ADAMTS18: variants seen among roughly 807,000 people sequenced by gnomAD.
ADAMTS18 encodes A disintegrin and metalloproteinase with thrombospondin motifs 18.
ADAMTS18 carries 157 observed loss-of-function variants against 165.9 expected under a neutral mutation model. The observed-to-expected ratio is 0.95, with a 90% CI of 0.83 to 1.08. The LOEUF (loss-of-function observed/expected upper bound fraction) is 1.08, where lower values mean the gene tolerates loss of function less well. Ranked by LOEUF, ADAMTS18 falls within the 50% of genes least tolerant of loss-of-function variation. The probability of loss-of-function intolerance (pLI) is 0.00; values close to 1 mark genes in which losing one functional copy is unlikely to be tolerated. For synonymous variants in ADAMTS18, 782 were observed against 578.2 expected, an observed-to-expected ratio of 1.35 and a Z score of -5.06; for missense variants, 2,040 against 1,534.0, an observed-to-expected ratio of 1.33 and a Z score of -5.51.
chr16:77,313,967 A>G (rs2055832983), intron 16 of ADAMTS18, among the ~76,000 whole-genome samples: 1 of 152,218 alleles, frequency 6.6e-6, no homozygotes, highest in Non-Finnish European at 1.5e-5. Flanking sequence ...TTAAAGTATA[A>G]TATCAGGGGC....
intron 16 of ADAMTS18, among the ~76,000 whole-genome samples, chr16:77,307,746 T>C (rs139859242): frequency 2.1e-3 from 325 of 152,314 alleles, no homozygotes; most frequent in Non-Finnish European, 3.4e-3. Context: ...CTTCACTCAG[T>C]CCATGCTACT....
chr16:77,300,155 C>G, intron 17 of ADAMTS18, 108 bp downstream of exon 17: 1 of 1,324,316 alleles, frequency 7.6e-7, no homozygotes, highest in Non-Finnish European at 1.1e-6. Context: ...TCATAAAAGA[C>G]AGTTCTTGGG....
At chr16:77,361,221 T>C (rs188165460) in intron 7 of ADAMTS18, among the ~76,000 whole-genome samples, 1 of 152,358 alleles carries the variant, frequency 6.6e-6, no homozygotes, top group African/African-American at 2.4e-5. Flanking sequence ...CTGCATAGCT[T>C]AACATATTGA....
intron 3 of ADAMTS18, among the ~76,000 whole-genome samples, chr16:77,421,104 G>T (rs2057596599): frequency 6.6e-6 from 1 of 152,150 alleles, no homozygotes; most frequent in East Asian, 1.9e-4. Flanking sequence ...TAGAAAGCAT[G>T]CCCCCTTGAC....
intron 11 of ADAMTS18, 44 bp from the exon 12 acceptor site, chr16:77,335,948 G>A (rs759588456): frequency 6.2e-7 from 1 of 1,613,434 alleles, no homozygotes; most frequent in Middle Eastern, 1.7e-4. Flanking sequence ...GAGACCACCT[G>A]GGAAAGCGCA....
At chr16:77,322,219 C>T (rs1405707330) in intron 14 of ADAMTS18, 117 bp downstream of exon 14, 12 of 1,279,644 alleles carry the variant, frequency 9.4e-6, no homozygotes, top group Middle Eastern at 4.1e-4. Flanking sequence ...TGCTCTTTCG[C>T]TCCATGCCAC....
intron 7 of ADAMTS18, among the ~76,000 whole-genome samples, chr16:77,360,531 T>G (rs182209779): frequency 2.6e-4 from 39 of 152,358 alleles, no homozygotes; most frequent in Admixed American, 3.9e-4. Flanking sequence ...TAGTACATTT[T>G]GGTCTCTGGA....
chr16:77,402,436 T>C (rs1338164601), intron 3 of ADAMTS18, among the ~76,000 whole-genome samples: 6 of 152,140 alleles, frequency 3.9e-5, no homozygotes, highest in South Asian at 2.1e-4. Flanking sequence ...GGTTCTAACA[T>C]AGAGAGGGCT....
chr16:77,335,025 T>C (rs1402395190), intron 12 of ADAMTS18, among the ~76,000 whole-genome samples: 2 of 144,836 alleles, frequency 1.4e-5, no homozygotes, highest in East Asian at 4.0e-4. Context: ...GTAGTATATA[T>C]ACTATATATT....
At position 77,283,935 on chromosome 16, in the gene ADAMTS18, G is replaced by A; in HGVS notation, c.*21C>T. The A allele has an allele frequency of 1.9e-6, 3 of 1,588,888 alleles. No homozygotes were observed. Among genetic ancestry groups the A allele is most frequent in the Non-Finnish European group, 1.7e-6 (2 of 1,157,444 alleles). On this transcript the variant is annotated 3_prime_UTR_variant, in exon 23 of 23. Coordinates refer to ENST00000282849, the MANE Select transcript of ADAMTS18 (RefSeq NM_199355.4). ...TGAAAGGTAAGCCCCTGGCCCTAAGGTGCTGGGGAGGACACCAAGATCAGA... is the reference window on the plus strand; with the variant it reads ...TGAAAGGTAAGCCCCTGGCCCTAAGATGCTGGGGAGGACACCAAGATCAGA...
At chr16:77,388,401 G>A (rs979846156) in intron 3 of ADAMTS18, among the ~76,000 whole-genome samples, 4 of 152,094 alleles carry the variant, frequency 2.6e-5, no homozygotes, top group African/African-American at 9.7e-5. Flanking sequence ...TGCCTGGCCA[G>A]AAAGCTCTTC....
chr16:77,343,074 C>CTT (rs59318924), intron 10 of ADAMTS18, among the ~76,000 whole-genome samples: 14,241 of 142,362 alleles, frequency 0.1, 954 homozygotes, highest in East Asian at 0.3. Context: ...ACCTTACTTT[C>CTT]TTTTTTTTTT....
At chr16:77,379,869 T>C (rs1421213737) in intron 3 of ADAMTS18, among the ~76,000 whole-genome samples, 1 of 152,202 alleles carries the variant, frequency 6.6e-6, no homozygotes, top group East Asian at 1.9e-4. Flanking sequence ...ACTTCACAGA[T>C]GTTCACTGAG....
At chr16:77,371,991 A>G (rs2056882652) in intron 3 of ADAMTS18, among the ~76,000 whole-genome samples, 2 of 152,336 alleles carry the variant, frequency 1.3e-5, no homozygotes, top group South Asian at 2.1e-4. Flanking sequence ...CTCAAAAGAC[A>G]TATACATGGC....
intron 19 of ADAMTS18, among the ~76,000 whole-genome samples, chr16:77,294,302 C>A (rs903941592): frequency 6.6e-6 from 1 of 152,086 alleles, no homozygotes; most frequent in African/African-American, 2.4e-5. Flanking sequence ...CTGTGTAGGA[C>A]ATTCACCTCT....
chr16:77,346,384 T>C lies in ADAMTS18; in HGVS notation c.1615-4585A>G, dbSNP rs74251612. Among the ~76,000 whole-genome samples the C allele has an allele frequency of 4.7e-4, 72 of 152,210 alleles. 1 individual carries two copies. In the East Asian group the frequency reaches 0.012, roughly 25 times the overall value. On this transcript the variant is annotated intron_variant, in intron 10 of 22. Coordinates refer to ENST00000282849, the MANE Select transcript of ADAMTS18 (RefSeq NM_199355.4). ...CAAAGTAGGCTTCAGTAAATCAATA[T>C]ATGAATAAAAATGACAGACTTTGTA... is the stretch of plus-strand genomic sequence containing the variant.
intron 21 of ADAMTS18, among the ~76,000 whole-genome samples, chr16:77,289,665 A>G (rs1465745686): frequency 6.6e-6 from 1 of 152,190 alleles, no homozygotes; most frequent in South Asian, 2.1e-4. Context: ...TAAGTGACTC[A>G]CTCATAAAGA....
At chr16:77,289,172 T>C in intron 22 of ADAMTS18, 92 bp downstream of exon 22, 1 of 1,515,896 alleles carries the variant, frequency 6.6e-7, no homozygotes. Context: ...CCTAGAGTTG[T>C]ACAATGTCAC....
At chr16:77,368,477 C>A (rs1388021399) in intron 3 of ADAMTS18, among the ~76,000 whole-genome samples, 1 of 148,156 alleles carries the variant, frequency 6.7e-6, no homozygotes, top group Non-Finnish European at 1.5e-5. Flanking sequence ...CATTCTGTCC[C>A]TTAGGTTGGA....
Sources: allele counts gnomAD v4.1 joint callset (sites outside exome capture counted in the v4.1 genomes callset), GRCh38; gene constraint gnomAD v4.1.1; transcripts MANE v1.5; gene names NCBI Gene and HGNC (gene_info 2026-07-23, HGNC 2026-07-21).